The following VRK3 variants were observed in gnomAD, a reference collection of about 807,000 sequenced individuals.
VRK3 encodes the protein serine/threonine-protein kinase VRK3.
A neutral mutation model predicts 60.4 loss-of-function variants in VRK3; 50 were observed. The ratio of observed to expected loss-of-function variants is 0.83; its 90% CI spans 0.66 to 1.05. The LOEUF (loss-of-function observed/expected upper bound fraction) is 1.05, where lower values mean the gene tolerates loss of function less well. VRK3 is among the 50% of genes least tolerant of loss of function. The pLI is 0.00. For missense variants in VRK3, 549 were observed against 585.3 expected (o/e 0.94, Z 0.64); for synonymous variants, 246 against 227.8 (o/e 1.08, Z -0.72).
At chr19:49,988,229 C>T in intron 12 of VRK3, 143 bp downstream of exon 12, 4 of 1,321,452 alleles carry the variant, frequency 3.0e-6, no homozygotes, top group Non-Finnish European at 4.1e-6. Flanking sequence ...CACTGCAGCA[C>T]ATGCCTGTGC....
At chr19:49,993,405 T>A (rs575526172) in intron 9 of VRK3, among the ~76,000 whole-genome samples, 2 of 152,082 alleles carry the variant, frequency 1.3e-5, no homozygotes, top group Non-Finnish European at 1.5e-5. Context: ...TGTGTGTATA[T>A]ATATATTTTT....
chr19:50,002,866 G>A (rs1034993194), intron 5 of VRK3, among the ~76,000 whole-genome samples: 13 of 152,200 alleles, frequency 8.5e-5, no homozygotes, highest in Admixed American at 1.3e-4. Flanking sequence ...AGACCAGGGC[G>A]TGGCATGCAG....
chr19:49,978,039 G>A (rs1483777536), intron 14 of VRK3, among the ~76,000 whole-genome samples: 2 of 152,144 alleles, frequency 1.3e-5, no homozygotes, highest in African/African-American at 2.4e-5. Flanking sequence ...GAGACAGGCC[G>A]TCAAAAGGAG....
At chr19:49,988,797 T>G (rs1180376222) in intron 11 of VRK3, among the ~76,000 whole-genome samples, 1 of 152,096 alleles carries the variant, frequency 6.6e-6, no homozygotes, top group African/African-American at 2.4e-5. Flanking sequence ...AGCTCACTTC[T>G]GAAAACCCAG....
At chr19:50,021,433 C>CA (rs1171427533) in intron 1 of VRK3, among the ~76,000 whole-genome samples, 1 of 152,200 alleles carries the variant, frequency 6.6e-6, no homozygotes, top group African/African-American at 2.4e-5. Context: ...GATGCTCACC[C>CA]ATGGAAGCCA....
chr19:50,001,681 C>A lies in VRK3; in HGVS notation c.548-827G>T, dbSNP rs75732022. Among the ~76,000 whole-genome samples, 596 of 152,288 alleles carry A rather than the reference C, an allele frequency of 3.9e-3. 2 individuals carry two copies. The highest frequency in any genetic ancestry group is 6.4e-3 in the Non-Finnish European group (438 of 68,008). ...TTTACAGACCTCACCACGTCTCTGG[C>A]CCTGTGCTAAGTGTGGGCTTCACAT... is the stretch of plus-strand genomic sequence containing the variant. On this transcript the variant is annotated intron_variant, in intron 5 of 14. Coordinates refer to ENST00000316763, the MANE Select transcript of VRK3 (RefSeq NM_016440.4).
At position 50,024,540 on chromosome 19, in the gene VRK3, C is replaced by G. The variant is rs1281157041; in HGVS notation, c.-65+727G>C. On this transcript the variant is annotated intron_variant, in intron 1 of 14. Coordinates refer to ENST00000316763, the MANE Select transcript of VRK3 (RefSeq NM_016440.4). ...CATTTCTTTTTTAGTGTCTGGCATC[C>G]CCAACCACCCTGAGAATGTGAATTA... Among the ~76,000 whole-genome samples, 3 of 152,270 alleles carry G rather than the reference C, an allele frequency of 2.0e-5. No individual in the cohort carries two copies. The East Asian group carries it at 5.8e-4, about 29-fold the overall frequency.
intron 1 of VRK3, among the ~76,000 whole-genome samples, chr19:50,024,673 G>A (rs1272111330): frequency 6.6e-6 from 1 of 152,206 alleles, no homozygotes; most frequent in Non-Finnish European, 1.5e-5. Context: ...AATATCGGTT[G>A]CACGGAGCCT....
In VRK3 at chr19:49,995,194, T is replaced by A. The variant is rs2076680565; in HGVS notation, c.761A>T (p.Tyr254Phe). Residue 254 changes from tyrosine (Y) to phenylalanine (F), a missense_variant, in exon 8 of 15, where the codon TAC becomes TTC. Tyr to Phe is a conservative substitution (Grantham distance 22). Transcript: ENST00000316763. ...AGCAGTGAGCAGAGCAGCTCACCTG[T>A]ATTTGTCCTGGTGAACACCGAAACC... ...CMGFGVHQDK[Y>F]RFLVLPSLGR... 6.2e-7 allele frequency: 1 copy of A among 1,613,920 alleles called. No individual in the cohort carries two copies. Among genetic ancestry groups the A allele is most frequent in the African/African-American group, 1.3e-5 (1 of 74,924 alleles).
intron 2 of VRK3, among the ~76,000 whole-genome samples, chr19:50,016,821 T>C (rs2077086296): frequency 6.6e-6 from 1 of 152,152 alleles, no homozygotes; most frequent in East Asian, 1.9e-4. Flanking sequence ...AGAAGGGAAA[T>C]TAACAAGGAT....
intron 12 of VRK3, among the ~76,000 whole-genome samples, chr19:49,985,719 A>G (rs1180101764): frequency 2.0e-5 from 3 of 152,160 alleles, no homozygotes; most frequent in Non-Finnish European, 2.9e-5. Context: ...TGTCTTACTC[A>G]TTCCTGTATC....
chr19:49,989,490 G>C, intron 11 of VRK3, 149 bp downstream of exon 11: 1 of 1,103,544 alleles, frequency 9.1e-7, no homozygotes, highest in Non-Finnish European at 1.2e-6. Flanking sequence ...CCTTGCGGTC[G>C]GGACGCTGTC....
intron 2 of VRK3, among the ~76,000 whole-genome samples, chr19:50,018,291 CAA>C (rs1361551594): frequency 4.6e-5 from 7 of 152,212 alleles, no homozygotes; most frequent in African/African-American, 1.7e-4. Flanking sequence ...GCCTTGTACC[CAA>C]GTTACTATAT....
chr19:50,017,584 A>G (rs1463934453), intron 2 of VRK3, among the ~76,000 whole-genome samples: 2 of 151,524 alleles, frequency 1.3e-5, no homozygotes, highest in Non-Finnish European at 2.9e-5. Flanking sequence ...CAAAAAAAAA[A>G]AAAAAAAAAA....
chr19:49,999,457 C>A (rs1343986689), intron 6 of VRK3: 1 of 152,368 alleles, frequency 6.6e-6, no homozygotes, highest in Non-Finnish European at 1.5e-5. Flanking sequence ...CTGCAGATGT[C>A]CCCAGCACTC....
intron 9 of VRK3, 40 bp from the exon 10 acceptor site, chr19:49,992,992 G>C: frequency 6.4e-7 from 1 of 1,568,008 alleles, no homozygotes; most frequent in Non-Finnish European, 8.7e-7. Context: ...TGAGCAGTAC[G>C]ACTAACACAG....
chr19:50,022,469 A>G (rs1196836552), intron 1 of VRK3, among the ~76,000 whole-genome samples: 1 of 151,962 alleles, frequency 6.6e-6, no homozygotes, highest in African/African-American at 2.4e-5. Flanking sequence ...TCTAAGTCAG[A>G]CCCTGTCTGT....
At chr19:49,996,086 T>A (rs2076699294) in intron 7 of VRK3, among the ~76,000 whole-genome samples, 1 of 152,106 alleles carries the variant, frequency 6.6e-6, no homozygotes, top group Admixed American at 6.5e-5. Flanking sequence ...CACATCCAAC[T>A]AATTTTTGTA....
At chr19:50,017,880 G>A (rs2077103613) in intron 2 of VRK3, among the ~76,000 whole-genome samples, 1 of 152,042 alleles carries the variant, frequency 6.6e-6, no homozygotes, top group South Asian at 2.1e-4. Context: ...AGGCTGGTCT[G>A]GAACTCCTGG....
Sources: allele counts gnomAD v4.1 joint callset (sites outside exome capture counted in the v4.1 genomes callset), GRCh38; gene constraint gnomAD v4.1.1; transcripts MANE v1.5; gene names NCBI Gene and HGNC (gene_info 2026-07-23, HGNC 2026-07-21).